PLEKHG1: variants seen among roughly 807,000 people sequenced by gnomAD.
PLEKHG1 encodes pleckstrin homology and RhoGEF domain containing G1.
In PLEKHG1, 44 loss-of-function variants were observed where a neutral mutation model predicts 100.8. The observed-to-expected ratio is 0.44, with a 90% confidence interval of 0.34 to 0.56. The LOEUF is 0.56. Among genes scored for constraint, PLEKHG1 ranks in the 20% least tolerant of loss-of-function variants. The pLI, the probability that PLEKHG1 is intolerant of heterozygous loss-of-function variation, is 0.01. For synonymous variants in PLEKHG1, 640 were observed against 662.5 expected (o/e 0.97, Z 0.52); for missense variants, 1,545 against 1,720.9 (o/e 0.90, Z 1.81).
At chr6:150,652,495 G>T (rs1778788389) in intron 3 of PLEKHG1, among the ~76,000 whole-genome samples, 1 of 152,020 alleles carries the variant, frequency 6.6e-6, no homozygotes, top group Non-Finnish European at 1.5e-5. Flanking sequence ...GGCCGAGGGG[G>T]GTGGATCACG....
chr6:150,813,772 C>A (rs570712975), intron 10 of PLEKHG1, among the ~76,000 whole-genome samples: 2 of 152,186 alleles, frequency 1.3e-5, no homozygotes, highest in South Asian at 4.2e-4. Context: ...CTGGAGGTGG[C>A]TCTGATTCTG....
At chr6:150,601,928 C>T (rs1372769906) in intron 1 of PLEKHG1, among the ~76,000 whole-genome samples, 1 of 152,086 alleles carries the variant, frequency 6.6e-6, no homozygotes, top group East Asian at 1.9e-4. Flanking sequence ...TGACTGTCAC[C>T]GAATACAGGC....
intron 1 of PLEKHG1, among the ~76,000 whole-genome samples, chr6:150,620,463 C>G (rs1777252744): frequency 6.6e-6 from 1 of 152,224 alleles, no homozygotes; most frequent in Non-Finnish European, 1.5e-5. Flanking sequence ...CAGACCCCTT[C>G]AGTATTTGTG....
intron 1 of PLEKHG1, among the ~76,000 whole-genome samples, chr6:150,721,375 C>T (rs75116581): frequency 0.012 from 1,795 of 146,076 alleles, 22 homozygotes; most frequent in South Asian, 0.048. Flanking sequence ...GTTACAAATG[C>T]GATAGACTGA....
chr6:150,691,287 C>T (rs557680490), intron 3 of PLEKHG1, among the ~76,000 whole-genome samples: 6 of 152,094 alleles, frequency 3.9e-5, no homozygotes, highest in Non-Finnish European at 7.4e-5. Flanking sequence ...AAGTATTTTT[C>T]AATCTACTGG....
At chr6:150,725,297 C>G (rs917368084) in intron 1 of PLEKHG1, among the ~76,000 whole-genome samples, 7 of 152,162 alleles carry the variant, frequency 4.6e-5, no homozygotes, top group African/African-American at 1.7e-4. Context: ...AGCCCCCCCT[C>G]CTAATACCAT....
intron 2 of PLEKHG1, among the ~76,000 whole-genome samples, chr6:150,642,711 C>T (rs1293330247): frequency 3.3e-5 from 5 of 152,186 alleles, no homozygotes; most frequent in Non-Finnish European, 7.3e-5. Context: ...TGTTGGTGCT[C>T]AAATGTTGGA....
chr6:150,664,873 C>T (rs1779337138), intron 3 of PLEKHG1, among the ~76,000 whole-genome samples: 1 of 152,164 alleles, frequency 6.6e-6, no homozygotes. Context: ...GTGACAGTTA[C>T]TCTATCAGAT....
chr6:150,835,031 G>A (rs17427019), intron 15 of PLEKHG1, among the ~76,000 whole-genome samples: 17,917 of 152,056 alleles, frequency 0.12, 1,223 homozygotes, highest in Admixed American at 0.16. Flanking sequence ...GGGCCTTGCC[G>A]CTTTGCCAGG....
intron 3 of PLEKHG1, among the ~76,000 whole-genome samples, chr6:150,782,817 A>G (rs1785390304): frequency 6.6e-6 from 1 of 152,084 alleles, no homozygotes; most frequent in African/African-American, 2.4e-5. Flanking sequence ...CACACAATAA[A>G]CTCCATCCCT....
chr6:150,815,466 C>T (rs561617175), intron 10 of PLEKHG1, among the ~76,000 whole-genome samples: 1 of 152,318 alleles, frequency 6.6e-6, no homozygotes, highest in African/African-American at 2.4e-5. Flanking sequence ...TTTAACTCTT[C>T]TCCAAATTAA....
intron 3 of PLEKHG1, among the ~76,000 whole-genome samples, chr6:150,689,254 C>T (rs1780253999): frequency 6.6e-6 from 1 of 152,148 alleles, no homozygotes; most frequent in Admixed American, 6.5e-5. Flanking sequence ...TGTTCTAATT[C>T]CCTTTTATTT....
intron 3 of PLEKHG1, among the ~76,000 whole-genome samples, chr6:150,658,744 C>T (rs1009690426): frequency 2.0e-5 from 3 of 152,166 alleles, no homozygotes; most frequent in Non-Finnish European, 4.4e-5. Context: ...CTCTCCTTTC[C>T]TCCTCCCTGC....
chr6:150,781,938 AT>A (rs575472001), intron 3 of PLEKHG1, among the ~76,000 whole-genome samples: 4,737 of 143,162 alleles, frequency 0.033, 214 homozygotes, highest in African/African-American at 0.11. Flanking sequence ...CGCCCGGCTA[AT>A]TTTTTTTTTT....
chr6:150,796,978 G>GT (rs1170795378), intron 5 of PLEKHG1, among the ~76,000 whole-genome samples: 7 of 151,852 alleles, frequency 4.6e-5, no homozygotes, highest in Admixed American at 1.3e-4. Flanking sequence ...GAGTTATGGG[G>GT]TTTTTTTGTT....
At chr6:150,754,014 C>T (rs1783679202) in intron 2 of PLEKHG1, among the ~76,000 whole-genome samples, 2 of 152,360 alleles carry the variant, frequency 1.3e-5, no homozygotes, top group South Asian at 4.1e-4. Flanking sequence ...TGCCTACTAA[C>T]TGTTGATACC....
At position 150,704,839 on chromosome 6, in the gene PLEKHG1, C is replaced by T. The variant is rs373808799; in HGVS notation, c.-98-28745C>T. ...CTAGTGGGGTTGGTGTCCAGTGAGG[C>T]CTTTCTTCCTGGCTTACAGACGGCT... On this transcript the variant is annotated intron_variant, in intron 3 of 3. Coordinates refer to the PLEKHG1 transcript ENST00000367326. Among the ~76,000 whole-genome samples the T allele has an allele frequency of 4.0e-4, 61 of 152,322 alleles. No individual in the cohort carries two copies. The East Asian group carries it at 7.3e-3, about 18-fold the overall frequency.
intron 12 of PLEKHG1, 149 bp downstream of exon 13, chr6:150,819,923 T>A (rs1776203097): frequency 1.6e-6 from 1 of 610,898 alleles, no homozygotes. Context: ...ATGGGACTCA[T>A]GAGCTTTTGA....
chr6:150,711,137 C>G (rs1007956002), intron 3 of PLEKHG1, among the ~76,000 whole-genome samples: 1 of 152,130 alleles, frequency 6.6e-6, no homozygotes, highest in African/African-American at 2.4e-5. Context: ...AGTAAGTTGG[C>G]ATGAGGACTT....
Sources: gnomAD v4.1 joint callset for allele counts (sites outside exome capture counted in the v4.1 genomes callset) on GRCh38, gnomAD v4.1.1 for gene constraint, MANE v1.5 for transcripts, NCBI Gene and HGNC (gene_info 2026-07-23, HGNC 2026-07-21) for gene names.